PHTF2: variants seen among roughly 807,000 people sequenced by gnomAD.
PHTF2 encodes protein PHTF2.
A neutral mutation model predicts 101.2 loss-of-function variants in PHTF2; 60 were observed. That is an observed-to-expected ratio of 0.59 (90% CI 0.48 to 0.73). PHTF2 has a LOEUF of 0.73. Among genes scored for constraint, PHTF2 ranks in the 30% least tolerant of loss-of-function variants. The pLI is 0.00. For missense variants in PHTF2, 747 were observed against 908.7 expected, an observed-to-expected ratio of 0.82 and a Z score of 2.29; for synonymous variants, 311 against 307.3, an observed-to-expected ratio of 1.01 and a Z score of -0.13.
At chr7:77,830,889 AC>A (rs1434589052) in intron 1 of PHTF2, among the ~76,000 whole-genome samples, 3 of 152,204 alleles carry the variant, frequency 2.0e-5, no homozygotes, top group Non-Finnish European at 2.9e-5. Flanking sequence ...CTGGGCACTT[AC>A]CTCAGTCACA....
At chr7:77,804,095 CT>C (rs1349920891) in intron 1 of PHTF2, among the ~76,000 whole-genome samples, 1 of 152,156 alleles carries the variant, frequency 6.6e-6, no homozygotes, top group Non-Finnish European at 1.5e-5. Context: ...CAAGGAAAAG[CT>C]ATTAATTGTA....
chr7:77,829,049 G>A (rs1488761370), intron 1 of PHTF2, among the ~76,000 whole-genome samples: 1 of 152,090 alleles, frequency 6.6e-6, no homozygotes, highest in Non-Finnish European at 1.5e-5. Flanking sequence ...AGGTGCGATG[G>A]TGTCCACCTG....
Position 77,940,502 on chromosome 7 carries a change from T to C in PHTF2, c.1741-26T>C, listed in dbSNP as rs542140650. 28 of 1,560,000 alleles carry C rather than the reference T, an allele frequency of 1.8e-5. 1 individual carries two copies. The South Asian group carries it at 3.2e-4, about 18-fold the overall frequency. ...TTTTCTGTGGTAATCTACTTGAAAA[T>C]TAATCCTCATCTTAATCTTTTTTAG... On this transcript the variant is annotated intron_variant, in intron 14 of 19. Transcript: ENST00000416283.
intron 4 of PHTF2, 61 bp from the exon 4 acceptor site, chr7:77,893,921 T>A: frequency 8.3e-7 from 1 of 1,209,228 alleles, no homozygotes; most frequent in Non-Finnish European, 1.2e-6. Flanking sequence ...CCCTTTCACT[T>A]GTCACCTTAT....
intron 2 of PHTF2, among the ~76,000 whole-genome samples, chr7:77,843,516 C>T (rs1796045683): frequency 6.6e-6 from 1 of 151,454 alleles, no homozygotes; most frequent in African/African-American, 2.4e-5. Flanking sequence ...CCTGAGGGTT[C>T]CCCTCACTGG....
At chr7:77,935,912 G>A (rs1175764663) in intron 12 of PHTF2, among the ~76,000 whole-genome samples, 1 of 152,118 alleles carries the variant, frequency 6.6e-6, no homozygotes, top group East Asian at 1.9e-4. Flanking sequence ...AATTTCTAGT[G>A]AAAGTTTGAT....
At chr7:77,841,104 ATCTC>A (rs1167733760) in intron 2 of PHTF2, among the ~76,000 whole-genome samples, 4 of 44,848 alleles carry the variant, frequency 8.9e-5, no homozygotes, top group Non-Finnish European at 1.7e-4. Flanking sequence ...TTGAGATGGA[ATCTC>A]TCTCTCTGTC....
At chr7:77,918,009 G>A (rs1467144985) in intron 9 of PHTF2, among the ~76,000 whole-genome samples, 1 of 152,160 alleles carries the variant, frequency 6.6e-6, no homozygotes, top group African/African-American at 2.4e-5. Context: ...AGATTGGAGG[G>A]AAGCAGAGGT....
In PHTF2 at chr7:77,937,856, A is replaced by T; in HGVS notation, c.1467+18A>T. The T allele has an allele frequency of 2.1e-6, 3 of 1,398,182 alleles. No homozygotes were observed. The highest frequency in any genetic ancestry group is 2.9e-6 in the Non-Finnish European group (3 of 1,032,578). The allele number at this position is 1,398,182 out of a possible 1,614,324, so 86.6% of individuals were successfully genotyped here. A position where few individuals can be genotyped will look rare whatever the true frequency, so the allele number is the denominator to read the frequency against. ...TGAACAGAGTGAGTTTTTAAATTTT[A>T]TTCTTGTAGTTCAAGGGTAAGACTT... is the stretch of plus-strand genomic sequence containing the variant. On this transcript the variant is annotated intron_variant, in intron 13 of 19. Transcript: ENST00000416283.
intron 18 of PHTF2, among the ~76,000 whole-genome samples, chr7:77,952,865 G>A (rs554841725): frequency 2.0e-5 from 3 of 152,202 alleles, no homozygotes; most frequent in South Asian, 2.1e-4. Flanking sequence ...TCTCAAGTCC[G>A]CTGATTCAGT....
At chr7:77,830,337 TA>T (rs895337035) in intron 1 of PHTF2, among the ~76,000 whole-genome samples, 10 of 152,198 alleles carry the variant, frequency 6.6e-5, no homozygotes, top group African/African-American at 2.2e-4. Context: ...GTTTATATTA[TA>T]AATTAGGTAC....
chr7:77,869,934 G>A (rs1201133307), intron 3 of PHTF2, among the ~76,000 whole-genome samples: 1 of 151,906 alleles, frequency 6.6e-6, no homozygotes, highest in Non-Finnish European at 1.5e-5. Context: ...TATTTGAATT[G>A]GATTATTTGT....
chr7:77,835,375 T>C (rs1220969528), intron 1 of PHTF2, among the ~76,000 whole-genome samples: 1 of 151,516 alleles, frequency 6.6e-6, no homozygotes, highest in Non-Finnish European at 1.5e-5. Context: ...AAGAATGGAA[T>C]AGGAATAATA....
intron 1 of PHTF2, among the ~76,000 whole-genome samples, chr7:77,838,427 A>G (rs188687570): frequency 3.0e-4 from 45 of 152,340 alleles, no homozygotes; most frequent in Admixed American, 1.2e-3. Flanking sequence ...TTTATTTTCA[A>G]TGTGAACAAA....
Position 77,824,530 on chromosome 7 carries a change from A to G in PHTF2, c.-35-15691A>G, listed in dbSNP as rs151146583. ...AACCTCCACTTCCTGGGTTCAGGCA[A>G]TTCTCCTGCCTCAGCCTCCTGAGAA... On this transcript the variant is annotated intron_variant, in intron 1 of 19. Coordinates refer to ENST00000416283, the Ensembl canonical transcript of PHTF2. Among the ~76,000 whole-genome samples the G allele has an allele frequency of 2.0e-3, 311 of 152,130 alleles. 1 individual carries two copies. Among genetic ancestry groups the G allele is most frequent in the African/African-American group, 6.6e-3 (274 of 41,496 alleles).
At chr7:77,883,217 A>G (rs1235117311) in intron 3 of PHTF2, among the ~76,000 whole-genome samples, 1 of 152,106 alleles carries the variant, frequency 6.6e-6, no homozygotes, top group African/African-American at 2.4e-5. Flanking sequence ...TTGAATTAGA[A>G]GTCTTAAAGA....
intron 2 of PHTF2, among the ~76,000 whole-genome samples, chr7:77,841,087 T>TTTTTTTTTG: frequency 7.2e-6 from 1 of 138,512 alleles, no homozygotes; most frequent in African/African-American, 2.9e-5. Context: ...TTTTTTTTTT[T>TTTTTTTTTG]TTTTTTTTGA....
intron 3 of PHTF2, among the ~76,000 whole-genome samples, chr7:77,888,602 CA>C (rs1291154028): frequency 5.9e-5 from 9 of 152,192 alleles, no homozygotes; most frequent in Non-Finnish European, 8.8e-5. Flanking sequence ...CAATTGAAGA[CA>C]TACCATCTTA....
At chr7:77,847,647 A>T (rs1392421782) in intron 2 of PHTF2, among the ~76,000 whole-genome samples, 1 of 152,238 alleles carries the variant, frequency 6.6e-6, no homozygotes, top group Non-Finnish European at 1.5e-5. Context: ...CAAACATATA[A>T]TCACATCACT....
Sources: allele counts gnomAD v4.1 joint callset (sites outside exome capture counted in the v4.1 genomes callset), GRCh38; gene constraint gnomAD v4.1.1; transcripts MANE v1.5; gene names NCBI Gene and HGNC (gene_info 2026-07-23, HGNC 2026-07-21).